Variants in PTPRT observed in about 807,000 individuals in gnomAD.
The protein encoded by PTPRT is receptor-type tyrosine-protein phosphatase T.
PTPRT carries 56 observed loss-of-function variants against 176.8 expected under a neutral mutation model. The ratio of observed to expected loss-of-function variants is 0.32; its 90% CI spans 0.26 to 0.40. PTPRT has a LOEUF of 0.40. PTPRT is among the 10% of genes least tolerant of loss of function. The pLI is 1.00. For missense variants in PTPRT, 1,540 were observed against 1,908.2 expected (o/e 0.81, Z 3.60); for synonymous variants, 783 against 739.0 (o/e 1.06, Z -0.96).
rs138834945 is a variant in PTPRT, at chr20:42,921,136, G to C, written c.89-35204C>G. Among the ~76,000 whole-genome samples, 660 of 152,288 alleles carry C rather than the reference G, an allele frequency of 4.3e-3. 5 individuals carry two copies. Among genetic ancestry groups the C allele is most frequent in the African/African-American group, 0.015 (641 of 41,568 alleles). ...CCGATAATTATAAGCATGGTAGGGG[G>C]ATGACAAGCAGGGGCTGGACATTAA... On this transcript the variant is annotated intron_variant, in intron 1 of 30. Transcript: ENST00000373187.
At chr20:43,047,938 C>T (rs1263313040) in intron 1 of PTPRT, among the ~76,000 whole-genome samples, 2 of 152,306 alleles carry the variant, frequency 1.3e-5, no homozygotes, top group East Asian at 3.9e-4. Context: ...ACCACCATGA[C>T]ACACTGCAGC....
intron 1 of PTPRT, among the ~76,000 whole-genome samples, chr20:43,147,816 A>G (rs2074824735): frequency 6.6e-6 from 1 of 152,188 alleles, no homozygotes; most frequent in Non-Finnish European, 1.5e-5. Flanking sequence ...CTCTCTTTGC[A>G]GACAGACTTC....
chr20:42,387,305 C>A (rs1428097199), intron 9 of PTPRT, among the ~76,000 whole-genome samples: 1 of 152,192 alleles, frequency 6.6e-6, no homozygotes, highest in East Asian at 1.9e-4. Flanking sequence ...CCCAGAGATT[C>A]AATAAGTTAA....
rs139288891 is a variant in PTPRT at position 42,614,188 on chromosome 20, A to G, written c.1153+63678T>C. Among the ~76,000 whole-genome samples the G allele has an allele frequency of 2.5e-3, 373 of 152,218 alleles. 2 individuals carry two copies. Among genetic ancestry groups the G allele is most frequent in the African/African-American group, 8.9e-3 (368 of 41,540 alleles). ...GCAGAAGCATCACCCTGATCTCTGCATTCAATTTCACATAGCATTCTCCCC... is the reference window on the plus strand; with the variant it reads ...GCAGAAGCATCACCCTGATCTCTGCGTTCAATTTCACATAGCATTCTCCCC... On this transcript the variant is annotated intron_variant, in intron 7 of 30. Coordinates refer to ENST00000373187, the MANE Select transcript of PTPRT (RefSeq NM_007050.6).
intron 7 of PTPRT, among the ~76,000 whole-genome samples, chr20:42,633,435 G>A (rs371866013): frequency 7.9e-5 from 12 of 151,976 alleles, no homozygotes; most frequent in African/African-American, 2.9e-4. Context: ...TAGCATAGCA[G>A]TGTCCATTTA....
At chr20:42,237,374 C>T (rs960120246) in intron 14 of PTPRT, among the ~76,000 whole-genome samples, 6 of 152,050 alleles carry the variant, frequency 3.9e-5, no homozygotes, top group African/African-American at 1.4e-4. Flanking sequence ...ACTCTCTGTT[C>T]CTTCATTTCT....
chr20:42,545,655 A>G (rs1048524291), intron 7 of PTPRT, among the ~76,000 whole-genome samples: 1 of 152,194 alleles, frequency 6.6e-6, no homozygotes, highest in African/African-American at 2.4e-5. Context: ...ATCTTGATTG[A>G]AAATCTTTTG....
chr20:43,060,961 A>T (rs527813534), intron 1 of PTPRT, among the ~76,000 whole-genome samples: 4 of 152,220 alleles, frequency 2.6e-5, no homozygotes, highest in Non-Finnish European at 4.4e-5. Flanking sequence ...TAAGATCTAC[A>T]TACTTTACAG....
In PTPRT at chr20:42,403,009, A is replaced by G. The variant is rs555901840; in HGVS notation, c.1560+45211T>C. ...GGCAATCATTATTTAATTATTCTCA[A>G]TGCAATACTTACGGTAGAGAATGTA... is the stretch of plus-strand genomic sequence containing the variant. On this transcript the variant is annotated intron_variant, in intron 9 of 30. Transcript: ENST00000373187. Among the ~76,000 whole-genome samples, 161 of 152,302 alleles carry G rather than the reference A, an allele frequency of 1.1e-3. 1 individual carries two copies. Among genetic ancestry groups the G allele is most frequent in the African/African-American group, 3.6e-3 (148 of 41,572 alleles).
chr20:42,439,013 G>T (rs1369438181), intron 9 of PTPRT, among the ~76,000 whole-genome samples: 1 of 152,192 alleles, frequency 6.6e-6, no homozygotes, highest in Non-Finnish European at 1.5e-5. Context: ...GACTCTGAGT[G>T]CCAGAAATCA....
intron 1 of PTPRT, among the ~76,000 whole-genome samples, chr20:43,166,636 A>C (rs1466232650): frequency 6.6e-6 from 1 of 152,204 alleles, no homozygotes; most frequent in Non-Finnish European, 1.5e-5. Context: ...TATTACCATG[A>C]GTACCGGCAT....
intron 11 of PTPRT, among the ~76,000 whole-genome samples, chr20:42,348,556 C>G (rs1418186191): frequency 6.6e-6 from 1 of 152,076 alleles, no homozygotes; most frequent in Non-Finnish European, 1.5e-5. Context: ...AGTCAACTGA[C>G]TTAGCTTCTG....
At chr20:42,792,742 A>ATTCT (rs2077395507) in intron 2 of PTPRT, among the ~76,000 whole-genome samples, 1 of 152,206 alleles carries the variant, frequency 6.6e-6, no homozygotes, top group Non-Finnish European at 1.5e-5. Flanking sequence ...AAGTCACCTC[A>ATTCT]TTCTTTCACC....
chr20:42,292,442 CTT>C (rs2057331719), intron 12 of PTPRT, among the ~76,000 whole-genome samples: 1 of 151,928 alleles, frequency 6.6e-6, no homozygotes, highest in Non-Finnish European at 1.5e-5. Flanking sequence ...CAGTGATTCT[CTT>C]GTCTCATACC....
At chr20:42,135,412 G>A (rs534302424) in intron 18 of PTPRT, among the ~76,000 whole-genome samples, 1 of 152,350 alleles carries the variant, frequency 6.6e-6, no homozygotes, top group East Asian at 1.9e-4. Flanking sequence ...TGTTTGAAAT[G>A]GAAATTCTTG....
At chr20:42,220,381 C>G (rs550845307) in intron 15 of PTPRT, among the ~76,000 whole-genome samples, 114 of 152,158 alleles carry the variant, frequency 7.5e-4, no homozygotes, top group African/African-American at 2.6e-3. Context: ...TTGCGGATAT[C>G]AACAAGCTAA....
At chr20:42,696,460 T>TTTA (rs1389130665) in intron 6 of PTPRT, among the ~76,000 whole-genome samples, 16,057 of 91,782 alleles carry the variant, frequency 0.17, 1,108 homozygotes, top group African/African-American at 0.32. Flanking sequence ...CATGAATTAT[T>TTTA]TTTTTTTTTT....
intron 1 of PTPRT, among the ~76,000 whole-genome samples, chr20:43,044,848 AG>A (rs1986769972): frequency 6.6e-6 from 1 of 152,242 alleles, no homozygotes; most frequent in Non-Finnish European, 1.5e-5. Context: ...TGTTAAAGCA[AG>A]GAAGTGTGCA....
chr20:42,033,517 G>T, the PTPRT span, among the ~76,000 whole-genome samples: 1 of 152,108 alleles, frequency 6.6e-6, no homozygotes, highest in Non-Finnish European at 1.5e-5. Flanking sequence ...GGAGTCTGAG[G>T]TGGATCCTCC....
Sources: gnomAD v4.1 joint callset for allele counts (sites outside exome capture counted in the v4.1 genomes callset) on GRCh38, gnomAD v4.1.1 for gene constraint, MANE v1.5 for transcripts, NCBI Gene and HGNC (gene_info 2026-07-23, HGNC 2026-07-21) for gene names.